The following SNX29 variants were observed in gnomAD, a reference collection of about 807,000 sequenced individuals.
SNX29 encodes sorting nexin 29, also known as sorting nexin-29.
Under a neutral mutation model 102.1 loss-of-function variants are expected in SNX29, and 78 were observed. The ratio of observed to expected loss-of-function variants is 0.76; its 90% CI spans 0.64 to 0.92. The LOEUF is 0.92. Among genes scored for constraint, SNX29 ranks in the 40% least tolerant of loss-of-function variants. SNX29 has a pLI of 0.00. For synonymous variants in SNX29, 580 were observed against 414.5 expected (o/e 1.40, Z -4.85); for missense variants, 1,280 against 1,061.7 (o/e 1.21, Z -2.86).
intron 20 of SNX29, among the ~76,000 whole-genome samples, chr16:12,553,264 C>T (rs931461838): frequency 1.4e-4 from 22 of 152,208 alleles, no homozygotes; most frequent in Non-Finnish European, 2.4e-4. Context: ...AAGACCACTG[C>T]CGCCTAGGGG....
chr16:12,546,120 C>T (rs188642627), intron 20 of SNX29, among the ~76,000 whole-genome samples: 1 of 152,162 alleles, frequency 6.6e-6, no homozygotes, highest in East Asian at 1.9e-4. Flanking sequence ...AATGTATTCT[C>T]CCCATCCACA....
chr16:12,557,833 C>G (rs942557759), intron 20 of SNX29: 1 of 152,048 alleles, frequency 6.6e-6, no homozygotes, highest in Non-Finnish European at 1.5e-5. Flanking sequence ...TTCACCAAAA[C>G]ATCATCAATG....
At chr16:12,562,602 G>A (rs187469058) in intron 20 of SNX29, among the ~76,000 whole-genome samples, 46 of 152,306 alleles carry the variant, frequency 3.0e-4, no homozygotes, top group South Asian at 8.3e-4. Flanking sequence ...GACAAAGGTC[G>A]CTGGCTCTTG....
At chr16:12,561,427 C>T (rs529419381) in intron 20 of SNX29, among the ~76,000 whole-genome samples, 2 of 152,300 alleles carry the variant, frequency 1.3e-5, no homozygotes, top group South Asian at 4.2e-4. Flanking sequence ...AGCTGGGTTG[C>T]AGGGATCCAG....
chr16:12,212,856 G>T (rs544547295), intron 14 of SNX29, among the ~76,000 whole-genome samples: 1 of 152,310 alleles, frequency 6.6e-6, no homozygotes, highest in East Asian at 1.9e-4. Flanking sequence ...GCTCATGCCG[G>T]TAATCCCAGC....
chr16:12,240,294 A>G (rs76368741), intron 14 of SNX29, among the ~76,000 whole-genome samples: 2,796 of 152,334 alleles, frequency 0.018, 58 homozygotes, highest in Non-Finnish European at 0.03. Context: ...TGCTTCCCAG[A>G]AAAACATGTA....
At chr16:12,139,982 A>AGG (rs1567242364) in intron 13 of SNX29, among the ~76,000 whole-genome samples, 1 of 147,638 alleles carries the variant, frequency 6.8e-6, no homozygotes, top group Non-Finnish European at 1.5e-5. Flanking sequence ...CCCTGTCTCA[A>AGG]AAAAAAAAAA....
Position 12,561,852 on chromosome 16 carries a change from T to G in SNX29, c.2319-6654T>G, listed in dbSNP as rs150056768. 4.6e-5 allele frequency among the ~76,000 whole-genome samples: 7 copies of G among 152,258 alleles called. No homozygotes were observed. In the South Asian group the frequency reaches 1.0e-3, roughly 23 times the overall value. ...TCTCCCTGCAGGGGAGGGGAGGCAG[T>G]GCCCTGGGGACTTATGGGCTGTCTC... On this transcript the variant is annotated intron_variant, in intron 20 of 20. Transcript: ENST00000566228.
chr16:12,453,870 G>A (rs1473660527), intron 18 of SNX29, among the ~76,000 whole-genome samples: 1 of 152,120 alleles, frequency 6.6e-6, no homozygotes, highest in East Asian at 1.9e-4. Context: ...TTTGTCCCCT[G>A]GCCTTCCATC....
At position 12,572,132 on chromosome 16, in the gene SNX29, A is replaced by G. The variant is rs1319937724; in HGVS notation, c.*3503A>G. 1.2e-5 allele frequency: 12 copies of G among 1,019,250 alleles called. No homozygotes were observed. Among genetic ancestry groups the G allele is most frequent in the Non-Finnish European group, 1.4e-5 (12 of 837,862 alleles). The allele number at this position is 1,019,250 out of a possible 1,614,324, so 63.1% of individuals were successfully genotyped here. ...TGATCACAGCCCTTGGCCCTGCTTC[A>G]TACTTTGGAGCTTATTAAGATCAAT... On this transcript the variant is annotated 3_prime_UTR_variant, in exon 21 of 21. Transcript: ENST00000566228.
At chr16:12,355,873 AAAAGAGAG>A (rs2082119604) in intron 15 of SNX29, among the ~76,000 whole-genome samples, 1 of 128,230 alleles carries the variant, frequency 7.8e-6, no homozygotes, top group Non-Finnish European at 1.7e-5. Context: ...AAAAAAAAAA[AAAAGAGAG>A]AGGAAAAAAA....
intron 18 of SNX29, among the ~76,000 whole-genome samples, chr16:12,438,377 T>C (rs939544083): frequency 1.3e-5 from 2 of 152,120 alleles, no homozygotes; most frequent in African/African-American, 2.4e-5. Flanking sequence ...TCTGCTGGTG[T>C]CCTTCTCCTT....
chr16:12,469,884 C>T (rs2087251617), intron 18 of SNX29, among the ~76,000 whole-genome samples: 1 of 152,190 alleles, frequency 6.6e-6, no homozygotes, highest in Admixed American at 6.5e-5. Context: ...GTGGCTTGTG[C>T]CTGTAATCCC....
chr16:12,378,536 C>G (rs1462552955), intron 16 of SNX29, among the ~76,000 whole-genome samples: 6 of 152,182 alleles, frequency 3.9e-5, no homozygotes, highest in African/African-American at 1.4e-4. Flanking sequence ...GTAGTCCCAG[C>G]TACTCAAGAG....
chr16:12,484,594 T>A (rs2151842827), intron 19 of SNX29, among the ~76,000 whole-genome samples: 1 of 151,946 alleles, frequency 6.6e-6, no homozygotes, highest in Non-Finnish European at 1.5e-5. Context: ...CCCCACCCTC[T>A]CCACTCAGCC....
At chr16:12,090,237 C>T (rs1472189655) in intron 11 of SNX29, 1 of 152,328 alleles carries the variant, frequency 6.6e-6, no homozygotes, top group Non-Finnish European at 1.5e-5. Flanking sequence ...GAGGTCCAAA[C>T]GTACTAGCTT....
intron 15 of SNX29, among the ~76,000 whole-genome samples, chr16:12,321,432 C>T (rs1004892733): frequency 6.6e-6 from 1 of 152,188 alleles, no homozygotes; most frequent in South Asian, 2.1e-4. Flanking sequence ...CAGTGATTCC[C>T]AGGCCAGGCC....
chr16:12,269,837 CCAT>C (rs201886063), intron 14 of SNX29, among the ~76,000 whole-genome samples: 8 of 129,322 alleles, frequency 6.2e-5, no homozygotes, highest in South Asian at 2.3e-4. Flanking sequence ...ATCATCATCA[CCAT>C]CATCATCATC....
intron 20 of SNX29, among the ~76,000 whole-genome samples, chr16:12,537,454 C>G (rs780552962): frequency 5.9e-5 from 9 of 151,738 alleles, no homozygotes; most frequent in East Asian, 1.9e-4. Context: ...AACTTCACCT[C>G]TGCCTCAGCA....
Sources: allele counts gnomAD v4.1 joint callset (sites outside exome capture counted in the v4.1 genomes callset), GRCh38; gene constraint gnomAD v4.1.1; transcripts MANE v1.5; gene names NCBI Gene and HGNC (gene_info 2026-07-23, HGNC 2026-07-21).